ATP6V0A1: variants seen among roughly 807,000 people sequenced by gnomAD.
ATP6V0A1 encodes the protein V-type proton ATPase 116 kDa subunit a 1.
In ATP6V0A1, 43 loss-of-function variants were observed where a neutral mutation model predicts 105.4. That is an observed-to-expected ratio of 0.41 (90% CI 0.32 to 0.53). The LOEUF is 0.53. Among genes scored for constraint, ATP6V0A1 ranks in the 20% least tolerant of loss-of-function variants. The pLI, the probability that ATP6V0A1 is intolerant of heterozygous loss-of-function variation, is 0.30. For synonymous variants in ATP6V0A1, 362 were observed against 372.8 expected, an observed-to-expected ratio of 0.97 and a Z score of 0.33; for missense variants, 676 against 1,051.1, an observed-to-expected ratio of 0.64 and a Z score of 4.93.
Position 42,487,187 on chromosome 17 carries a change from G to A in ATP6V0A1, c.843G>A (p.Arg281=), listed in dbSNP as rs745305946. The change falls in exon 10 of 22, where the codon AGG becomes AGA. Residue 281 remains arginine (R), a synonymous_variant. Coordinates refer to ENST00000343619, the MANE Select transcript of ATP6V0A1 (RefSeq NM_001130021.3). The part of the protein sequence containing the change: ...VLNQTEDHRQ[R]VLQAAAKNIR... ...ATCAAACGGAGGATCACCGCCAGAG[G>A]GTTCTGCAGGCAGCTGCTAAGAACA... 6.2e-7 allele frequency: 1 copy of A among 1,614,132 alleles called. No homozygotes were observed. Among genetic ancestry groups the A allele is most frequent in the South Asian group, 1.1e-5 (1 of 91,076 alleles).
At chr17:42,478,910 AT>A (rs746205207) in intron 7 of ATP6V0A1, 271 of 147,718 alleles carry the variant, frequency 1.8e-3, no homozygotes, top group South Asian at 5.6e-3. Context: ...AAATTTGGTA[AT>A]TTTTTTTTTT....
At chr17:42,461,386 C>A (rs774050749) in intron 2 of ATP6V0A1, among the ~76,000 whole-genome samples, 19 of 152,102 alleles carry the variant, frequency 1.2e-4, no homozygotes, top group Non-Finnish European at 1.6e-4. Flanking sequence ...TTTGAGGTAT[C>A]CAGCTACAGA....
chr17:42,508,050 G>T (rs939174555), intron 18 of ATP6V0A1, among the ~76,000 whole-genome samples: 17 of 152,114 alleles, frequency 1.1e-4, no homozygotes, highest in Non-Finnish European at 2.5e-4. Flanking sequence ...TGGTACTTTT[G>T]AAGTCCTACA....
At chr17:42,481,837 C>T (rs1598825885) in intron 8 of ATP6V0A1, among the ~76,000 whole-genome samples, 1 of 152,106 alleles carries the variant, frequency 6.6e-6, no homozygotes, top group East Asian at 1.9e-4. Context: ...TGAAATTCTG[C>T]CTTAGGGACA....
intron 11 of ATP6V0A1, among the ~76,000 whole-genome samples, chr17:42,493,700 A>G (rs2090887212): frequency 6.6e-6 from 1 of 151,840 alleles, no homozygotes; most frequent in South Asian, 2.1e-4. Context: ...TGTAGTTCCA[A>G]CTGTTTGGGA....
intron 1 of ATP6V0A1, chr17:42,459,319 C>T (rs2086124858): frequency 6.6e-6 from 1 of 152,242 alleles, no homozygotes; most frequent in Non-Finnish European, 1.5e-5. Context: ...AGAATTCCTG[C>T]TCATTGGGTA....
At chr17:42,476,585 T>C (rs940197520) in intron 5 of ATP6V0A1, among the ~76,000 whole-genome samples, 1 of 152,042 alleles carries the variant, frequency 6.6e-6, no homozygotes, top group Non-Finnish European at 1.5e-5. Flanking sequence ...ATTGGACTGG[T>C]TTTTGTTTTG....
chr17:42,496,955 G>A (rs971867706), intron 14 of ATP6V0A1, among the ~76,000 whole-genome samples: 5 of 151,986 alleles, frequency 3.3e-5, no homozygotes, highest in Non-Finnish European at 2.9e-5. Flanking sequence ...GAATGAAAAA[G>A]GAAAGATGGA....
chr17:42,459,557 A>C (rs1348965421), intron 1 of ATP6V0A1, among the ~76,000 whole-genome samples: 1 of 152,230 alleles, frequency 6.6e-6, no homozygotes, highest in Non-Finnish European at 1.5e-5. Flanking sequence ...TAATCATTAA[A>C]GAGCAGGAGG....
chr17:42,463,216 A>G (rs1174407529), intron 2 of ATP6V0A1, among the ~76,000 whole-genome samples: 6 of 149,884 alleles, frequency 4.0e-5, no homozygotes, highest in Non-Finnish European at 8.9e-5. Flanking sequence ...CATGTTGCCC[A>G]GGCTGGTCTC....
At chr17:42,501,518 A>G (rs1343042557) in intron 17 of ATP6V0A1, among the ~76,000 whole-genome samples, 4 of 151,928 alleles carry the variant, frequency 2.6e-5, no homozygotes, top group Non-Finnish European at 5.9e-5. Context: ...AGGTTCAAGC[A>G]ATTCTTTTGC....
intron 17 of ATP6V0A1, among the ~76,000 whole-genome samples, chr17:42,502,496 G>GCACACA (rs368754662): frequency 2.7e-5 from 4 of 150,220 alleles, no homozygotes; most frequent in African/African-American, 9.8e-5. Context: ...TTCTGCGCGC[G>GCACACA]CACACACACA....
chr17:42,470,324 A>C, intron 5 of ATP6V0A1, 106 bp downstream of exon 5: 2 of 1,412,556 alleles, frequency 1.4e-6, no homozygotes, highest in East Asian at 2.5e-5. Context: ...TTTGGAAGCA[A>C]TGCCATTTTT....
chr17:42,473,241 C>CT (rs1048169785), intron 5 of ATP6V0A1, among the ~76,000 whole-genome samples: 4 of 152,180 alleles, frequency 2.6e-5, no homozygotes, highest in African/African-American at 7.2e-5. Context: ...GTGATTAACT[C>CT]TAAGTGTTTA....
At chr17:42,486,521 T>C (rs1178486722) in intron 9 of ATP6V0A1, among the ~76,000 whole-genome samples, 1 of 152,220 alleles carries the variant, frequency 6.6e-6, no homozygotes, top group Non-Finnish European at 1.5e-5. Context: ...AAATCTGTAC[T>C]GATTTCAAAA....
intron 2 of ATP6V0A1, 39 bp from the exon 3 acceptor site, chr17:42,466,390 C>A (rs1178878242): frequency 6.6e-7 from 1 of 1,511,868 alleles, no homozygotes; most frequent in South Asian, 1.1e-5. Context: ...GAAATAGATA[C>A]AATATTTCAA....
intron 17 of ATP6V0A1, among the ~76,000 whole-genome samples, chr17:42,504,359 C>T (rs1033118436): frequency 1.3e-5 from 2 of 152,268 alleles, no homozygotes; most frequent in East Asian, 3.9e-4. Context: ...CTGAAGAGAT[C>T]ATTATTAGTG....
intron 17 of ATP6V0A1, 133 bp downstream of exon 17, chr17:42,501,437 C>T (rs952185032): frequency 2.2e-5 from 16 of 731,388 alleles, no homozygotes; most frequent in Admixed American, 3.1e-5. Context: ...TTTTTTGAGA[C>T]GGAGTCTCGC....
chr17:42,485,122 T>C (rs2089974182), intron 9 of ATP6V0A1, among the ~76,000 whole-genome samples: 2 of 152,194 alleles, frequency 1.3e-5, no homozygotes, highest in Non-Finnish European at 2.9e-5. Context: ...AGTCCTGGGA[T>C]TACAGGTATG....
Sources: allele counts gnomAD v4.1 joint callset (sites outside exome capture counted in the v4.1 genomes callset), GRCh38; gene constraint gnomAD v4.1.1; transcripts MANE v1.5; gene names NCBI Gene and HGNC (gene_info 2026-07-23, HGNC 2026-07-21).